ZNF595: variants seen among roughly 807,000 people sequenced by gnomAD.
ZNF595 encodes zinc finger protein 595.
ZNF595 carries 9 observed loss-of-function variants against 19.4 expected under a neutral mutation model. That is an observed-to-expected ratio of 0.46 (90% CI 0.28 to 0.81). The LOEUF (loss-of-function observed/expected upper bound fraction) is 0.81. Ranked by LOEUF, ZNF595 falls within the 30% of genes least tolerant of loss-of-function variation. The pLI, the probability that ZNF595 is intolerant of heterozygous loss-of-function variation, is 0.11. For missense variants in ZNF595, 729 were observed against 736.0 expected (o/e 0.99, Z 0.11); for synonymous variants, 255 against 255.9 (o/e 1.00, Z 0.03).
chr4:60,787 A>G (rs1184372805), intron 3 of ZNF595, among the ~76,000 whole-genome samples: 5 of 152,304 alleles, frequency 3.3e-5, no homozygotes, highest in Admixed American at 2.0e-4. Context: ...TATCAGAACA[A>G]TAAGCGTTTT....
In ZNF595 at chr4:85,886, G is replaced by T. The variant is rs1442639704; in HGVS notation, c.382G>T (p.Gly128Ter). 3 of 1,613,900 alleles carry T rather than the reference G, an allele frequency of 1.9e-6. No homozygotes were observed. The African/African-American group carries it at 4.0e-5, about 22-fold the overall frequency. Residue 128 changes from glycine to a stop codon, truncating the protein, a stop_gained, in exon 4 of 4, where the codon GGA (glycine) becomes TGA (stop). Transcript: ENST00000610261. LOFTEE classifies it low-confidence loss of function (END_TRUNC). ...TGTGAATGAGTGTAAGGTGCAGAAA[G>T]GAGTTAATAATGGAGTTTACCAGTG... ...KRVNECKVQK[G>*]VNNGVYQCLS...
intron 3 of ZNF595, among the ~76,000 whole-genome samples, chr4:83,619 C>CAAAAAAAAAAAAAAAAAAAAAAAAAAA (rs71164492): frequency 1.0e-4 from 4 of 38,596 alleles, no homozygotes; most frequent in Non-Finnish European, 1.4e-4. Context: ...GACTCCGTCT[C>CAAAAAAAAAAAAAAAAAAAAAAAAAAA]AAAAAAAAAA....
chr4:70,288 G>T (rs911790339), intron 3 of ZNF595, among the ~76,000 whole-genome samples: 1 of 150,822 alleles, frequency 6.6e-6, no homozygotes, highest in African/African-American at 2.4e-5. Flanking sequence ...GTCTAGTTTC[G>T]TTCTTCTGAA....
chr4:77,685 A>G (rs1385624525), intron 3 of ZNF595, among the ~76,000 whole-genome samples: 1 of 152,192 alleles, frequency 6.6e-6, no homozygotes, highest in Non-Finnish European at 1.5e-5. Context: ...CAGACCTGTT[A>G]TCAGGCCATC....
rs782460125 is a variant in ZNF595, at chr4:87,317, T to C, written c.1813T>C (p.Ser605Pro). The C allele has an allele frequency of 6.8e-6, 11 of 1,613,436 alleles. No homozygotes were observed. The highest frequency in any genetic ancestry group is 3.3e-5 in the Admixed American group (2 of 59,952). ...ATGTGGCAAAGCCTTCAATTGGTCC[T>C]CATCCCTTACTAAACATAAGATAAT... ...EECGKAFNWSSSLTKHKIIHT... is the reference protein window; with the variant it reads ...EECGKAFNWSPSLTKHKIIHT... The change falls in exon 4 of 4, where the codon TCA becomes CCA. Residue 605 changes from serine to proline, a missense_variant. Physicochemically the swap from Ser to Pro is moderately conservative, Grantham distance 74. Around this residue, in one of 2 missense-constraint regions of ZNF595, gnomAD observed 729 missense variants for 675.3 expected, o/e 1.08. Coordinates refer to ENST00000610261, the MANE Select transcript of ZNF595 (RefSeq NM_182524.4).
intron 3 of ZNF595, among the ~76,000 whole-genome samples, chr4:82,367 T>C (rs570560894): frequency 4.2e-4 from 61 of 144,152 alleles, no homozygotes; most frequent in Non-Finnish European, 6.9e-4. Flanking sequence ...TTTTTTTGGT[T>C]TGTGGTTTTT....
Position 60,170 on chromosome 4 carries a change from G to A in ZNF595, c.226+17G>A, listed in dbSNP as rs1581320645. 1.8e-6 allele frequency: 1 copy of A among 543,566 alleles called. No individual in the cohort carries two copies. The highest frequency in any genetic ancestry group is 2.0e-5 in the African/African-American group (1 of 50,736). 33.7% of individuals were successfully genotyped at this position (543,566 alleles called of 1,614,324 possible). A position where few individuals can be genotyped will look rare whatever the true frequency, so the allele number is the denominator to read the frequency against. ...AACCCCCAGGTAGGTGAGACTGAAT[G>A]AAGGAGAGGACACAGGCTAGGAGGC... is the stretch of plus-strand genomic sequence containing the variant. On this transcript the variant is annotated intron_variant, in intron 3 of 3. Coordinates refer to ENST00000610261, the MANE Select transcript of ZNF595 (RefSeq NM_182524.4).
At position 82,922 on chromosome 4, in the gene ZNF595, A is replaced by C. The variant is rs1183938987; in HGVS notation, c.227-2809A>C. Among the ~76,000 whole-genome samples, 7 of 152,066 alleles carry C rather than the reference A, an allele frequency of 4.6e-5. No homozygotes were observed. The South Asian group carries it at 1.0e-3, about 22-fold the overall frequency. ...TGCTTTGAAGTCTTCTATTTCCTTG[A>C]GTATTCTTTTCTGATTATTCATTAC... On this transcript the variant is annotated intron_variant, in intron 3 of 3. Coordinates refer to ENST00000610261, the MANE Select transcript of ZNF595 (RefSeq NM_182524.4).
At position 86,997 on chromosome 4, in the gene ZNF595, A is replaced by G. The variant is rs782505791; in HGVS notation, c.1493A>G (p.His498Arg). 2 of 1,614,112 alleles carry G rather than the reference A, an allele frequency of 1.2e-6. No individual in the cohort carries two copies. Among genetic ancestry groups the G allele is most frequent in the South Asian group, 1.1e-5 (1 of 91,074 alleles). ...ATATGGTCCGCAAGCCTGAATGAAC[A>G]TAAGAATATTCATACTGGAGAGAAA... ...AFIWSASLNEHKNIHTGEKPY... is the reference protein window; with the variant it reads ...AFIWSASLNERKNIHTGEKPY... Residue 498 changes from histidine to arginine, a missense_variant, in exon 4 of 4, where the codon CAT becomes CGT. Transcript: ENST00000610261.
At chr4:81,100 G>GT (rs1553799830) in intron 3 of ZNF595, among the ~76,000 whole-genome samples, 1 of 152,080 alleles carries the variant, frequency 6.6e-6, no homozygotes, top group Non-Finnish European at 1.5e-5. Context: ...TTCTGTTCCT[G>GT]TGTTTGTTTG....
At chr4:66,365 C>A (rs1464908564) in intron 3 of ZNF595, among the ~76,000 whole-genome samples, 2 of 146,950 alleles carry the variant, frequency 1.4e-5, no homozygotes, top group South Asian at 4.3e-4. Flanking sequence ...TGGATGTTAT[C>A]TTCTGTCAAA....
At chr4:75,455 A>G (rs1332174343) in intron 3 of ZNF595, among the ~76,000 whole-genome samples, 2 of 152,182 alleles carry the variant, frequency 1.3e-5, no homozygotes, top group African/African-American at 4.8e-5. Flanking sequence ...AAATACTGAT[A>G]CTAATCCTTT....
At chr4:78,932 A>G (rs1429882229) in intron 3 of ZNF595, among the ~76,000 whole-genome samples, 1 of 152,130 alleles carries the variant, frequency 6.6e-6, no homozygotes, top group African/African-American at 2.4e-5. Flanking sequence ...ACCTCAGGTA[A>G]TCCACTCGCC....
At chr4:54,991 C>T (rs1712560386) in intron 1 of ZNF595, among the ~76,000 whole-genome samples, 2 of 151,472 alleles carry the variant, frequency 1.3e-5, no homozygotes, top group Non-Finnish European at 3.0e-5. Context: ...ACGCCATTCT[C>T]CTAACTCAGT....
chr4:87,075 T>A lies in ZNF595; in HGVS notation c.1571T>A (p.Ile524Asn). 1 of 1,610,654 alleles carries A rather than the reference T, an allele frequency of 6.2e-7. No individual in the cohort carries two copies. The highest frequency in any genetic ancestry group is 8.5e-7 in the Non-Finnish European group (1 of 1,179,198). ...GKAFNQSSGL[I>N]IHRSIHSEQK... ...GCTTTTAACCAATCCTCAGGCCTTATTATACACAGGAGCATTCATTCTGAA... is the reference window on the plus strand; with the variant it reads ...GCTTTTAACCAATCCTCAGGCCTTAATATACACAGGAGCATTCATTCTGAA... Residue 524 changes from isoleucine to asparagine, a missense_variant, in exon 4 of 4, where the codon ATT becomes AAT. Ile to Asn is a moderately radical substitution (Grantham distance 149). Coordinates refer to ENST00000610261, the MANE Select transcript of ZNF595 (RefSeq NM_182524.4).
chr4:75,349 A>G (rs1441618133), intron 3 of ZNF595, among the ~76,000 whole-genome samples: 2 of 152,234 alleles, frequency 1.3e-5, no homozygotes, highest in Non-Finnish European at 2.9e-5. Flanking sequence ...ATACTTCCAC[A>G]TCACAACATG....
At chr4:76,720 C>T (rs1188544441) in intron 3 of ZNF595, among the ~76,000 whole-genome samples, 8 of 152,040 alleles carry the variant, frequency 5.3e-5, no homozygotes, top group African/African-American at 1.7e-4. Flanking sequence ...TACTCTTCTT[C>T]GTTGTCAAAT....
chr4:66,974 T>C (rs1713146218), intron 3 of ZNF595, among the ~76,000 whole-genome samples: 1 of 146,292 alleles, frequency 6.8e-6, no homozygotes, highest in Non-Finnish European at 1.5e-5. Flanking sequence ...TCACAAAGTA[T>C]TATTTTTATT....
At chr4:78,913 G>A (rs1553799294) in intron 3 of ZNF595, among the ~76,000 whole-genome samples, 6 of 152,096 alleles carry the variant, frequency 3.9e-5, no homozygotes, top group Non-Finnish European at 1.5e-5. Context: ...GGCTGGTCTT[G>A]AACTCCTGAC....
Sources: gnomAD v4.1 joint callset for allele counts (sites outside exome capture counted in the v4.1 genomes callset) on GRCh38, gnomAD v4.1.1 for gene constraint, gnomAD v4.1.1 regional missense constraint, MANE v1.5 for transcripts, NCBI Gene and HGNC (gene_info 2026-07-23, HGNC 2026-07-21) for gene names.